Variants in NKAIN3 observed in about 807,000 individuals in gnomAD.
NKAIN3 encodes sodium/potassium transporting ATPase interacting 3.
In NKAIN3, 25 loss-of-function variants were observed where a neutral mutation model predicts 30.2. The observed-to-expected ratio is 0.83, with a 90% CI of 0.60 to 1.16. The LOEUF (loss-of-function observed/expected upper bound fraction) is 1.16, where lower values mean the gene tolerates loss of function less well. NKAIN3 is among the 50% of genes most tolerant of loss of function. The probability of loss-of-function intolerance (pLI) is 0.00; values close to 1 mark genes in which losing one functional copy is unlikely to be tolerated. For synonymous variants in NKAIN3, 91 were observed against 89.6 expected (o/e 1.02, Z -0.09); for missense variants, 225 against 254.1 (o/e 0.89, Z 0.78).
At chr8:62,531,326 C>T (rs1808484323) in intron 1 of NKAIN3, among the ~76,000 whole-genome samples, 1 of 152,172 alleles carries the variant, frequency 6.6e-6, no homozygotes, top group Non-Finnish European at 1.5e-5. Flanking sequence ...GAAAACCCCA[C>T]ACTCTACTAA....
At chr8:62,255,424 C>A (rs1585601484) in intron 1 of NKAIN3, among the ~76,000 whole-genome samples, 2 of 152,054 alleles carry the variant, frequency 1.3e-5, no homozygotes, top group Non-Finnish European at 2.9e-5. Context: ...AGGAGGGAGT[C>A]CCCTACAGGC....
chr8:62,504,889 T>A (rs1243675973), intron 1 of NKAIN3, among the ~76,000 whole-genome samples: 2 of 152,170 alleles, frequency 1.3e-5, no homozygotes, highest in Non-Finnish European at 2.9e-5. Context: ...CTATCCAGGT[T>A]AATGACTTTC....
chr8:62,281,292 T>A (rs1169080370), intron 1 of NKAIN3, among the ~76,000 whole-genome samples: 4 of 152,162 alleles, frequency 2.6e-5, no homozygotes, highest in Non-Finnish European at 5.9e-5. Flanking sequence ...TTGCTAGCAG[T>A]CTATCAATTT....
At chr8:62,350,715 G>C (rs137896727) in intron 1 of NKAIN3, among the ~76,000 whole-genome samples, 255 of 152,104 alleles carry the variant, frequency 1.7e-3, no homozygotes, top group African/African-American at 5.9e-3. Context: ...ATTTGAGACA[G>C]AGTCTCACTC....
chr8:62,715,127 C>A (rs1360096935), intron 3 of NKAIN3, among the ~76,000 whole-genome samples: 1 of 152,040 alleles, frequency 6.6e-6, no homozygotes, highest in Non-Finnish European at 1.5e-5. Context: ...CACTTTTAAA[C>A]AACCAAATCT....
chr8:62,343,802 C>G (rs2129591114), intron 1 of NKAIN3, among the ~76,000 whole-genome samples: 1 of 151,858 alleles, frequency 6.6e-6, no homozygotes, highest in East Asian at 1.9e-4. Context: ...CAGATCAAGT[C>G]TCTATCTCTT....
At chr8:62,477,345 T>TA (rs10629947) in intron 1 of NKAIN3, among the ~76,000 whole-genome samples, 3,317 of 151,090 alleles carry the variant, frequency 0.022, 113 homozygotes, top group African/African-American at 0.076. Context: ...GCACTGGCAG[T>TA]AAAAAAAAAT....
At chr8:62,480,552 A>T (rs6996038) in intron 1 of NKAIN3, among the ~76,000 whole-genome samples, 56,626 of 147,750 alleles carry the variant, frequency 0.38, 11,302 homozygotes, top group South Asian at 0.45. Context: ...AAAAAAAAGG[A>T]ATAGAGAAGA....
At chr8:62,580,368 C>A (rs1216293647) in intron 2 of NKAIN3, among the ~76,000 whole-genome samples, 1 of 152,106 alleles carries the variant, frequency 6.6e-6, no homozygotes, top group East Asian at 1.9e-4. Context: ...TAAAAGAGTT[C>A]ATTACTATAG....
At chr8:62,758,620 A>AAGAGCTGGGTTGACAGAGTAAATGAGTTC in intron 4 of NKAIN3, among the ~76,000 whole-genome samples, 1 of 152,282 alleles carries the variant, frequency 6.6e-6, no homozygotes, top group Non-Finnish European at 1.5e-5. Flanking sequence ...AGCTGGGAGA[A>AAGAGCTGGGTTGACAGAGTAAATGAGTTC]AGAGCTGGGT....
At chr8:62,907,996 G>A (rs1821830774) in intron 4 of NKAIN3, among the ~76,000 whole-genome samples, 1 of 152,174 alleles carries the variant, frequency 6.6e-6, no homozygotes, top group African/African-American at 2.4e-5. Context: ...ACCTGGAAAA[G>A]CCACAGACAC....
At chr8:62,350,770 A>G (rs1816155210) in intron 1 of NKAIN3, among the ~76,000 whole-genome samples, 1 of 152,068 alleles carries the variant, frequency 6.6e-6, no homozygotes, top group Non-Finnish European at 1.5e-5. Flanking sequence ...GGCTCACAGC[A>G]ACCTCTGCCT....
chr8:62,294,227 G>A (rs202008486), intron 1 of NKAIN3, among the ~76,000 whole-genome samples: 3 of 152,104 alleles, frequency 2.0e-5, no homozygotes, highest in Admixed American at 6.6e-5. Flanking sequence ...TGCACCCACT[G>A]TCTGACAAGC....
intron 4 of NKAIN3, among the ~76,000 whole-genome samples, chr8:62,760,636 G>A (rs1816624535): frequency 7.0e-6 from 1 of 143,376 alleles, no homozygotes; most frequent in African/African-American, 2.6e-5. Context: ...TGGTGTGGGG[G>A]GAGGGGGGAG....
intron 1 of NKAIN3, among the ~76,000 whole-genome samples, chr8:62,540,841 A>G (rs1808814524): frequency 6.6e-6 from 1 of 152,086 alleles, no homozygotes; most frequent in Admixed American, 6.5e-5. Context: ...TTGAAAAAAA[A>G]GGGTGAAAGA....
chr8:62,595,218 A>AT (rs896623794), intron 3 of NKAIN3, among the ~76,000 whole-genome samples: 1 of 151,836 alleles, frequency 6.6e-6, no homozygotes, highest in Admixed American at 6.6e-5. Flanking sequence ...ATGAATAGTT[A>AT]TTTTTTCTGC....
At chr8:62,485,924 G>A (rs1206435708) in intron 1 of NKAIN3, among the ~76,000 whole-genome samples, 1 of 152,122 alleles carries the variant, frequency 6.6e-6, no homozygotes, top group African/African-American at 2.4e-5. Flanking sequence ...AATGGGGCGG[G>A]GCTGAGTGAT....
At chr8:62,450,796 GA>G in intron 1 of NKAIN3, among the ~76,000 whole-genome samples, 1 of 152,164 alleles carries the variant, frequency 6.6e-6, no homozygotes, top group South Asian at 2.1e-4. Flanking sequence ...CCTGCAGAAG[GA>G]AAAAATGATG....
chr8:62,563,778 C>A (rs1001298513), intron 1 of NKAIN3, among the ~76,000 whole-genome samples: 1 of 152,160 alleles, frequency 6.6e-6, no homozygotes, highest in Non-Finnish European at 1.5e-5. Context: ...TGTACCCAAT[C>A]TGCAGCTATT....
Sources: allele counts gnomAD v4.1 joint callset (sites outside exome capture counted in the v4.1 genomes callset), GRCh38; gene constraint gnomAD v4.1.1; transcripts MANE v1.5; gene names NCBI Gene and HGNC (gene_info 2026-07-23, HGNC 2026-07-21).